Variants in NCOR2 observed in about 807,000 individuals in gnomAD.
The protein encoded by NCOR2 is nuclear receptor corepressor 2, also known as CTG repeat protein 26.
A neutral mutation model predicts 262.9 loss-of-function variants in NCOR2; 81 were observed. That is an observed-to-expected ratio of 0.31 (90% CI 0.26 to 0.37). NCOR2 has a LOEUF of 0.37. NCOR2 is among the 10% of genes least tolerant of loss of function. The pLI, the probability that NCOR2 is intolerant of heterozygous loss-of-function variation, is 1.00. For synonymous variants in NCOR2, 1,659 were observed against 1,559.3 expected (o/e 1.06, Z -1.51); for missense variants, 3,385 against 3,621.4 (o/e 0.93, Z 1.68).
In NCOR2 at chr12:124,398,037, T is replaced by C. The variant is rs2041789145; in HGVS notation, c.1876+82A>G. On this transcript the variant is annotated intron_variant, in intron 16 of 46. Transcript: ENST00000405201. ...ACAGCCCCTGGCTCAAGGCCAAATGTGTCAACACCCTCCCCAGCACGTGAG... is the reference window on the plus strand; with the variant it reads ...ACAGCCCCTGGCTCAAGGCCAAATGCGTCAACACCCTCCCCAGCACGTGAG... 1.9e-6 allele frequency: 3 copies of C among 1,538,916 alleles called. 1 individual carries two copies. The South Asian group carries it at 3.4e-5, about 17-fold the overall frequency.
At chr12:124,456,509 CCATCAT>C (rs377759859) in intron 6 of NCOR2, among the ~76,000 whole-genome samples, 1 of 151,878 alleles carries the variant, frequency 6.6e-6, no homozygotes, top group African/African-American at 2.4e-5. Flanking sequence ...GCCATCATCG[CCATCAT>C]CATCATCATC....
At chr12:124,400,427 C>G in intron 15 of NCOR2, 74 bp downstream of exon 17, 2 of 1,559,690 alleles carry the variant, frequency 1.3e-6, no homozygotes, top group East Asian at 2.3e-5. Flanking sequence ...TCAAATTGCA[C>G]GAAACTTTCA....
At chr12:124,411,078 G>A (rs1405106521) in intron 13 of NCOR2, among the ~76,000 whole-genome samples, 1 of 86,338 alleles carries the variant, frequency 1.2e-5, no homozygotes, top group Non-Finnish European at 2.9e-5. Context: ...GGGAGAGAGA[G>A]AAGGGGAGAG....
At chr12:124,380,100 G>A (rs959850127) in intron 17 of NCOR2, among the ~76,000 whole-genome samples, 6 of 152,202 alleles carry the variant, frequency 3.9e-5, no homozygotes, top group East Asian at 1.9e-4. Flanking sequence ...ATCCCTCTGC[G>A]CTGGTGCACC....
At chr12:124,446,490 C>T (rs922122071) in intron 7 of NCOR2, among the ~76,000 whole-genome samples, 2 of 152,166 alleles carry the variant, frequency 1.3e-5, no homozygotes, top group African/African-American at 4.8e-5. Context: ...TGGGCCATGC[C>T]AGCCTTCTCT....
Position 124,549,228 on chromosome 12 carries a change from GGCATGT to G in NCOR2, c.-164-13623_-164-13618del, listed in dbSNP as rs1192777451. Among the ~76,000 whole-genome samples, 1 of 151,974 alleles carries G rather than the reference GGCATGT, an allele frequency of 6.6e-6. No homozygotes were observed. The highest frequency in any genetic ancestry group is 2.4e-5 in the African/African-American group (1 of 41,362). On this transcript the variant is annotated intron_variant, in intron 1 of 32. Transcript: ENST00000458234. The surrounding 1 kb of genome is among the most constrained non-coding windows in gnomAD (Gnocchi z 4.4). Reference sequence around the variant, plus strand: ...CCGAGAGGATCAGATGAATTCACGTGGCATGTGCCGCACTGAGACAGGCAGGCACGC... The same window carrying G: ...CCGAGAGGATCAGATGAATTCACGTGGCCGCACTGAGACAGGCAGGCACGC...
upstream of NCOR2, among the ~76,000 whole-genome samples, chr12:124,496,457 C>T (rs1166751918): frequency 1.3e-5 from 2 of 152,138 alleles, no homozygotes; most frequent in African/African-American, 4.8e-5. This position sits in a 1 kb window ranked among gnomAD's most constrained non-coding sequence, Gnocchi z 4.4. Flanking sequence ...ACCCTGGCAC[C>T]GGGACCCAGC....
intron 16 of NCOR2, among the ~76,000 whole-genome samples, chr12:124,394,531 G>A (rs1040525277): frequency 8.5e-5 from 13 of 152,226 alleles, no homozygotes; most frequent in Non-Finnish European, 4.4e-5. Context: ...TCAAGTCAAC[G>A]TGGGGTCATA....
chr12:124,391,056 G>A (rs1454257442), intron 16 of NCOR2, among the ~76,000 whole-genome samples: 1 of 152,232 alleles, frequency 6.6e-6, no homozygotes, highest in East Asian at 1.9e-4. Context: ...CTGTTCTTGT[G>A]GGGGCCAGGA....
intron 40 of NCOR2, 171 bp from the exon 43 acceptor site, chr12:124,334,788 GGAGTGGGGCTGT>G (rs1846443973): frequency 6.7e-6 from 4 of 593,638 alleles, no homozygotes; most frequent in South Asian, 6.2e-5. Context: ...AGTGTGCATG[GGAGTGGGGCTGT>G]GGTCAGCGGT....
In NCOR2 at chr12:124,403,572, T is replaced by A. The variant is rs915495305; in HGVS notation, c.1483-1011A>T. On this transcript the variant is annotated intron_variant, in intron 13 of 46. Transcript: ENST00000405201. ...GGCAGCTGCCAAACCAGACCATCTT[T>A]CCATCCCTCTGAGCCAAGCGAAATA... Among the ~76,000 whole-genome samples the A allele has an allele frequency of 1.8e-4, 27 of 152,166 alleles. 1 individual carries two copies. Among genetic ancestry groups the A allele is most frequent in the Admixed American group, 1.8e-3 (27 of 15,284 alleles).
exon 21 of NCOR2, chr12:124,363,752 C>T (rs756016942): frequency 1.4e-4 from 196 of 1,386,074 alleles, no homozygotes; most frequent in Non-Finnish European, 1.6e-4. Flanking sequence ...GGCATTGGCC[C>T]GGGGGTCGCC....
At chr12:124,325,380 C>CCCCCGG in exon 47 of NCOR2, 1 of 327,318 alleles carries the variant, frequency 3.1e-6, no homozygotes, top group Non-Finnish European at 4.7e-6. Flanking sequence ...TGACACCGCC[C>CCCCCGG]CCCCCCCCGC....
chr12:124,459,409 T>G (rs547627636), intron 5 of NCOR2, among the ~76,000 whole-genome samples: 20 of 152,272 alleles, frequency 1.3e-4, no homozygotes, highest in Non-Finnish European at 2.5e-4. Flanking sequence ...GGTTTGTTCC[T>G]GCTCCACGGT....
At chr12:124,340,242 T>C (rs1281462180) in intron 36 of NCOR2, 38 bp from the exon 39 acceptor site, 4 of 1,605,984 alleles carry the variant, frequency 2.5e-6, no homozygotes, top group South Asian at 2.2e-5. Flanking sequence ...GGGAGGCCTC[T>C]TGCGGCCCAC....
intron 3 of NCOR2, among the ~76,000 whole-genome samples, chr12:124,476,902 TAAAAAA>T (rs60593594): frequency 0.54 from 77,092 of 142,492 alleles, 20,990 homozygotes; most frequent in Non-Finnish European, 0.6. Context: ...CCATCTTTAT[TAAAAAA>T]AAAAAAAAAA....
intron 25 of NCOR2, 75 bp downstream of exon 27, chr12:124,354,761 CT>C: frequency 6.9e-7 from 1 of 1,445,906 alleles, no homozygotes; most frequent in Non-Finnish European, 9.5e-7. Context: ...CAAGATACCC[CT>C]TCCTCCCCCG....
chr12:124,535,250 C>T (rs771112016), intron 1 of NCOR2, among the ~76,000 whole-genome samples: 8 of 152,242 alleles, frequency 5.3e-5, no homozygotes, highest in Non-Finnish European at 8.8e-5. Flanking sequence ...TGACCAAGAA[C>T]CCCGGAGCCC....
chr12:124,558,876 AC>A, intron 1 of NCOR2, among the ~76,000 whole-genome samples: 1 of 152,250 alleles, frequency 6.6e-6, no homozygotes, highest in East Asian at 1.9e-4. Flanking sequence ...CGCCAGGGAA[AC>A]TGAGGAACTC....
Sources: gnomAD v4.1 joint callset for allele counts (sites outside exome capture counted in the v4.1 genomes callset) on GRCh38, gnomAD v4.1.1 for gene constraint, Gnocchi (gnomAD v3.1) non-coding constraint, MANE v1.5 for transcripts, NCBI Gene and HGNC (gene_info 2026-07-23, HGNC 2026-07-21) for gene names.